The following RSPO1 variants were observed in gnomAD, a reference collection of about 807,000 sequenced individuals.
RSPO1 encodes R-spondin-1.
A neutral mutation model predicts 26.0 loss-of-function variants in RSPO1; 18 were observed. That is an observed-to-expected ratio of 0.69 (90% CI 0.48 to 1.03). The LOEUF is 1.03. RSPO1 is among the 50% of genes least tolerant of loss of function. The pLI is 0.00. For missense variants in RSPO1, 309 were observed against 352.3 expected, an observed-to-expected ratio of 0.88 and a Z score of 0.98; for synonymous variants, 133 against 137.4, an observed-to-expected ratio of 0.97 and a Z score of 0.22.
intron 3 of RSPO1, among the ~76,000 whole-genome samples, chr1:37,623,992 C>G (rs1644241688): frequency 6.6e-6 from 1 of 151,994 alleles, no homozygotes; most frequent in Non-Finnish European, 1.5e-5. Flanking sequence ...AAACTCCTGA[C>G]CTCGTGATCT....
intron 3 of RSPO1, among the ~76,000 whole-genome samples, chr1:37,618,081 TG>T (rs1644144664): frequency 6.6e-6 from 1 of 152,110 alleles, no homozygotes; most frequent in Admixed American, 6.5e-5. Context: ...GCAGATAACT[TG>T]GGGTGGAGAT....
chr1:37,632,611 T>A (rs532120720), intron 1 of RSPO1, among the ~76,000 whole-genome samples: 2 of 152,336 alleles, frequency 1.3e-5, no homozygotes, highest in African/African-American at 4.8e-5. Flanking sequence ...TCTGACTGAT[T>A]GTTGAAAGAT....
intron 1 of RSPO1, among the ~76,000 whole-genome samples, chr1:37,632,799 C>T (rs1644378789): frequency 6.6e-6 from 1 of 152,220 alleles, no homozygotes; most frequent in East Asian, 1.9e-4. Context: ...TGCGCACACA[C>T]AGGCATGCAC....
chr1:37,614,798 C>G (rs964049040), intron 4 of RSPO1, among the ~76,000 whole-genome samples: 1 of 152,242 alleles, frequency 6.6e-6, no homozygotes, highest in Non-Finnish European at 1.5e-5. Context: ...TCCCTCATTG[C>G]TGGGCATCTG....
At chr1:37,629,545 G>C (rs758084739) in intron 3 of RSPO1, 23 bp downstream of exon 3, 1 of 1,608,998 alleles carries the variant, frequency 6.2e-7, no homozygotes, top group South Asian at 1.1e-5. Context: ...GCCAGCTGTG[G>C]CCCACCATGC....
chr1:37,624,998 A>G (rs1271336983), intron 3 of RSPO1, among the ~76,000 whole-genome samples: 1 of 152,150 alleles, frequency 6.6e-6, no homozygotes, highest in Non-Finnish European at 1.5e-5. Flanking sequence ...CCTCCTCTTG[A>G]GCCTGACCAA....
chr1:37,622,865 G>C (rs1232203524), intron 3 of RSPO1, among the ~76,000 whole-genome samples: 3 of 152,164 alleles, frequency 2.0e-5, no homozygotes, highest in Non-Finnish European at 4.4e-5. Flanking sequence ...GAGTGGAAGG[G>C]AAGGAGTGGA....
intron 3 of RSPO1, among the ~76,000 whole-genome samples, chr1:37,625,584 C>T (rs1644263315): frequency 6.6e-6 from 1 of 151,984 alleles, no homozygotes; most frequent in Admixed American, 6.5e-5. Flanking sequence ...CCTCTCAGGC[C>T]ACATGCTGTC....
At chr1:37,633,470 G>T (rs930931608) in intron 1 of RSPO1, among the ~76,000 whole-genome samples, 1 of 152,236 alleles carries the variant, frequency 6.6e-6, no homozygotes, top group Non-Finnish European at 1.5e-5. Flanking sequence ...AGCCCCGGGA[G>T]GGGGCTGGAA....
chr1:37,618,974 C>A (rs1405337311), intron 3 of RSPO1, among the ~76,000 whole-genome samples: 1 of 152,192 alleles, frequency 6.6e-6, no homozygotes, highest in Non-Finnish European at 1.5e-5. Context: ...AGAATCCCAG[C>A]ACTTTGGGAG....
chr1:37,614,426 C>A (rs1368830664), intron 4 of RSPO1, 93 bp from the exon 5 acceptor site: 2 of 1,426,246 alleles, frequency 1.4e-6, no homozygotes, highest in South Asian at 2.3e-5. Context: ...CTGTCCACAC[C>A]CACCTACATG....
chr1:37,617,066 G>A (rs1644124968), intron 3 of RSPO1, among the ~76,000 whole-genome samples: 1 of 152,198 alleles, frequency 6.6e-6, no homozygotes, highest in Non-Finnish European at 1.5e-5. Context: ...AAAGTTTTAA[G>A]GGCAAGAGGG....
intron 1 of RSPO1, among the ~76,000 whole-genome samples, chr1:37,633,410 CAGGTCGGGG>C (rs1644387627): frequency 6.6e-6 from 1 of 152,112 alleles, no homozygotes; most frequent in African/African-American, 2.4e-5. Flanking sequence ...GGGGAGTATA[CAGGTCGGGG>C]AGGGGGACAC....
Position 37,613,647 on chromosome 1 carries a change from A to T in RSPO1, c.625+57T>A. The T allele has an allele frequency of 2.1e-6, 3 of 1,460,442 alleles. No homozygotes were observed. The South Asian group carries it at 3.5e-5, about 17-fold the overall frequency. The allele number at this position is 1,460,442 out of a possible 1,614,324, so 90.5% of individuals were successfully genotyped here. ...GTGGGCAGGAAGCAGAGGTGGCAGG[A>T]CCTGTCATGGCTGGTGCCTGAGCCC... On this transcript the variant is annotated intron_variant, in intron 6 of 6. Coordinates refer to ENST00000356545, the MANE Select transcript of RSPO1 (RefSeq NM_001242908.2). The surrounding 1 kb of genome is among the most constrained non-coding windows in gnomAD (Gnocchi z 4.5).
intron 4 of RSPO1, among the ~76,000 whole-genome samples, chr1:37,614,796 T>G (rs1222661334): frequency 1.3e-5 from 2 of 152,248 alleles, no homozygotes; most frequent in East Asian, 1.9e-4. Context: ...CTTCCCTCAT[T>G]GCTGGGCATC....
chr1:37,613,986 C>T lies in RSPO1; in HGVS notation c.437-94G>A. The T allele has an allele frequency of 2.1e-6, 3 of 1,457,976 alleles. No homozygotes were observed. The highest frequency in any genetic ancestry group is 2.3e-5 in the East Asian group (1 of 43,852). 90.3% of individuals were successfully genotyped at this position (1,457,976 alleles called of 1,614,324 possible). A position where few individuals can be genotyped will look rare whatever the true frequency, so the allele number is the denominator to read the frequency against. On this transcript the variant is annotated intron_variant, in intron 5 of 6. Coordinates refer to ENST00000356545, the MANE Select transcript of RSPO1 (RefSeq NM_001242908.2). The surrounding 1 kb of genome is among the most constrained non-coding windows in gnomAD (Gnocchi z 4.5). Reference sequence around the variant, plus strand: ...GAATAGCCCAGGGGAGCATCTCCCACTTTCCTTCTGCCTGGACCTGAGGCT... The same window carrying T: ...GAATAGCCCAGGGGAGCATCTCCCATTTTCCTTCTGCCTGGACCTGAGGCT...
intron 1 of RSPO1, among the ~76,000 whole-genome samples, chr1:37,633,777 A>G (rs1644396591): frequency 6.6e-6 from 1 of 151,984 alleles, no homozygotes; most frequent in Non-Finnish European, 1.5e-5. Context: ...GCAGCGGAGG[A>G]TGGCTTCTTC....
Position 37,614,183 on chromosome 1 carries a change from C to T in RSPO1, c.436+1G>A. 1 of 1,612,484 alleles carries T rather than the reference C, an allele frequency of 6.2e-7. No homozygotes were observed. On this transcript the variant is annotated splice_donor_variant, in intron 5 of 6. Transcript: ENST00000356545. LOFTEE classifies it high-confidence loss of function. Reference sequence around the variant, plus strand: ...TGCCCACAGTGCCTGCCATGGCTTACCAGGACTACTGCACTCCATGGTGCC... The same window carrying T: ...TGCCCACAGTGCCTGCCATGGCTTATCAGGACTACTGCACTCCATGGTGCC...
chr1:37,612,882 T>C lies in RSPO1; in HGVS notation c.665A>G (p.Asn222Ser). ...RRKGGQGRRE[N>S]ANRNLARKES... is the part of the protein sequence containing the mutation. ...CTTCCTGGCCAGGTTCCTGTTGGCATTCTCCCGCCGGCCCTGGCCTCCCTT... is the reference window on the plus strand; with the variant it reads ...CTTCCTGGCCAGGTTCCTGTTGGCACTCTCCCGCCGGCCCTGGCCTCCCTT... The change falls in exon 7 of 7, where the codon AAT (asparagine) becomes AGT (serine). Residue 222 changes from asparagine to serine, a missense_variant. Asn to Ser is a conservative substitution (Grantham distance 46). Coordinates refer to ENST00000356545, the MANE Select transcript of RSPO1 (RefSeq NM_001242908.2). The C allele has an allele frequency of 6.2e-7, 1 of 1,614,090 alleles. No homozygotes were observed. The highest frequency in any genetic ancestry group is 2.2e-5 in the East Asian group (1 of 44,882).
Sources: allele counts gnomAD v4.1 joint callset (sites outside exome capture counted in the v4.1 genomes callset), GRCh38; gene constraint gnomAD v4.1.1; non-coding constraint Gnocchi (gnomAD v3.1); transcripts MANE v1.5; gene names NCBI Gene and HGNC (gene_info 2026-07-23, HGNC 2026-07-21).